Variants in JAM2 observed in about 807,000 individuals in gnomAD.
JAM2 encodes the protein junctional adhesion molecule B.
A neutral mutation model predicts 42.0 loss-of-function variants in JAM2; 17 were observed. The ratio of observed to expected loss-of-function variants is 0.40; its 90% confidence interval spans 0.28 to 0.61. The LOEUF (loss-of-function observed/expected upper bound fraction) is 0.61. Among genes scored for constraint, JAM2 ranks in the 20% least tolerant of loss-of-function variants. The probability of loss-of-function intolerance (pLI) is 0.37; values close to 1 mark genes in which losing one functional copy is unlikely to be tolerated. For missense variants in JAM2, 319 were observed against 358.3 expected, an observed-to-expected ratio of 0.89 and a Z score of 0.89; for synonymous variants, 118 against 128.6, an observed-to-expected ratio of 0.92 and a Z score of 0.56.
At chr21:25,659,273 A>G (rs554199259) in intron 1 of JAM2, among the ~76,000 whole-genome samples, 1 of 151,372 alleles carries the variant, frequency 6.6e-6, no homozygotes, top group African/African-American at 2.4e-5. Flanking sequence ...TTTTTGCTGT[A>G]AGTTCATATT....
chr21:25,696,406 GGGAGGA>G (rs374663920), intron 4 of JAM2, among the ~76,000 whole-genome samples: 1 of 152,106 alleles, frequency 6.6e-6, no homozygotes, highest in Non-Finnish European at 1.5e-5. Flanking sequence ...GGGAGGGAGA[GGGAGGA>G]GGAGGGGGAG....
intron 2 of JAM2, among the ~76,000 whole-genome samples, chr21:25,689,511 A>T (rs183699110): frequency 6.2e-4 from 94 of 152,300 alleles, no homozygotes; most frequent in Middle Eastern, 3.4e-3. Context: ...GAATAATAAG[A>T]CACATAGTTA....
intron 1 of JAM2, among the ~76,000 whole-genome samples, chr21:25,680,960 C>G (rs891846351): frequency 1.3e-5 from 2 of 152,012 alleles, no homozygotes; most frequent in African/African-American, 4.8e-5. Flanking sequence ...ATAGAGAGGT[C>G]AGGTAAGATA....
Position 25,693,906 on chromosome 21 carries a change from TA to T in JAM2, c.393del (p.Val132TrpfsTer15). ...GAGGATACAGTCACTCTGGAAGTAT[TA>T]GGTGATGTGCATGTATGTGTGTGAC... ...LEEDTVTLEV[L>X]VAPAVPSCEV... On this transcript the variant is annotated frameshift_variant and splice_region_variant, in exon 4 of 10. Coordinates refer to ENST00000480456, the MANE Select transcript of JAM2 (RefSeq NM_021219.4). LOFTEE classifies it high-confidence loss of function. 6.2e-7 allele frequency: 1 copy of T among 1,614,070 alleles called. No individual in the cohort carries two copies. The highest frequency in any genetic ancestry group is 8.5e-7 in the Non-Finnish European group (1 of 1,179,982).
chr21:25,705,178 C>A (rs1251053644), intron 6 of JAM2, among the ~76,000 whole-genome samples: 1 of 152,088 alleles, frequency 6.6e-6, no homozygotes, highest in Non-Finnish European at 1.5e-5. Flanking sequence ...TATCTACACC[C>A]ATATAATTCA....
intron 2 of JAM2, 54 bp downstream of exon 2, chr21:25,684,002 G>A (rs1012573336): frequency 1.9e-5 from 21 of 1,082,664 alleles, no homozygotes; most frequent in Non-Finnish European, 2.7e-5. Context: ...ACTCACGAGA[G>A]TGACTCGTGT....
chr21:25,656,435 G>A (rs2032941497), intron 1 of JAM2, among the ~76,000 whole-genome samples: 1 of 152,166 alleles, frequency 6.6e-6, no homozygotes, highest in South Asian at 2.1e-4. Context: ...CTTCCTGTGA[G>A]TTCTTCATAT....
intron 1 of JAM2, among the ~76,000 whole-genome samples, chr21:25,671,801 G>C (rs371584993): frequency 6.6e-6 from 1 of 152,160 alleles, no homozygotes; most frequent in Non-Finnish European, 1.5e-5. Flanking sequence ...GAGCCACTGC[G>C]CCCAGCAGAA....
At chr21:25,696,354 G>C (rs1020075919) in intron 4 of JAM2, among the ~76,000 whole-genome samples, 4 of 152,168 alleles carry the variant, frequency 2.6e-5, no homozygotes, top group African/African-American at 9.7e-5. Context: ...TCCAGCTTCC[G>C]CTCGGCATCA....
At chr21:25,650,018 G>A (rs968355821) in intron 1 of JAM2, among the ~76,000 whole-genome samples, 1 of 152,190 alleles carries the variant, frequency 6.6e-6, no homozygotes, top group Non-Finnish European at 1.5e-5. Flanking sequence ...CTAGTCCCAT[G>A]AGAACAAGAA....
chr21:25,656,262 A>G (rs2032936730), intron 1 of JAM2, among the ~76,000 whole-genome samples: 1 of 152,234 alleles, frequency 6.6e-6, no homozygotes, highest in African/African-American at 2.4e-5. Flanking sequence ...GGTTCCATCA[A>G]GGTCCTCTTG....
Position 25,717,428 on chromosome 21 carries a change from CT to C in JAM2, c.*2757del. 2.6e-6 allele frequency: 1 copy of C among 391,338 alleles called. No individual in the cohort carries two copies. Among genetic ancestry groups the C allele is most frequent in the South Asian group, 6.9e-5 (1 of 14,456 alleles). 24.2% of individuals were successfully genotyped at this position (391,338 alleles called of 1,614,324 possible). A position where few individuals can be genotyped will look rare whatever the true frequency, so the allele number is the denominator to read the frequency against. ...GTTTTAATTATTGTTGCTGTTGTAA[CT>C]AGATTTAATTTATTTTTAGTTGGAG... On this transcript the variant is annotated 3_prime_UTR_variant, in exon 10 of 10. Coordinates refer to ENST00000480456, the MANE Select transcript of JAM2 (RefSeq NM_021219.4).
chr21:25,701,173 T>G (rs903827770), intron 5 of JAM2, among the ~76,000 whole-genome samples: 5 of 152,248 alleles, frequency 3.3e-5, no homozygotes, highest in African/African-American at 9.6e-5. Context: ...GTCTAACATA[T>G]TATTTATATG....
At chr21:25,708,004 C>T (rs951499305) in intron 7 of JAM2, among the ~76,000 whole-genome samples, 1 of 151,844 alleles carries the variant, frequency 6.6e-6, no homozygotes, top group Non-Finnish European at 1.5e-5. Flanking sequence ...TACCACCACA[C>T]CTGGCTAATT....
chr21:25,646,281 T>C (rs1463465198), intron 1 of JAM2, among the ~76,000 whole-genome samples: 2 of 152,226 alleles, frequency 1.3e-5, no homozygotes, highest in Non-Finnish European at 2.9e-5. Context: ...AAATGGCTCT[T>C]TGGTTTTTAA....
intron 1 of JAM2, among the ~76,000 whole-genome samples, chr21:25,678,690 C>T (rs573829768): frequency 3.9e-5 from 6 of 152,280 alleles, no homozygotes; most frequent in South Asian, 4.1e-4. Flanking sequence ...ATAGACACCA[C>T]GTTTGCCAGT....
chr21:25,690,799 G>A (rs909321284), intron 3 of JAM2, among the ~76,000 whole-genome samples: 4 of 151,936 alleles, frequency 2.6e-5, no homozygotes, highest in African/African-American at 9.7e-5. Flanking sequence ...ACTTATGGGT[G>A]GGTTATGACA....
chr21:25,677,971 G>C (rs970633068), intron 1 of JAM2, among the ~76,000 whole-genome samples: 1 of 152,118 alleles, frequency 6.6e-6, no homozygotes, highest in African/African-American at 2.4e-5. Context: ...AATAGGAGTA[G>C]GCCAGGCGCG....
intron 8 of JAM2, chr21:25,710,059 G>C (rs987092367): frequency 1.3e-5 from 2 of 152,080 alleles, no homozygotes; most frequent in African/African-American, 4.8e-5. Flanking sequence ...GTAGTACAGA[G>C]AGAATGATGA....
Sources: allele counts gnomAD v4.1 joint callset (sites outside exome capture counted in the v4.1 genomes callset), GRCh38; gene constraint gnomAD v4.1.1; transcripts MANE v1.5; gene names NCBI Gene and HGNC (gene_info 2026-07-23, HGNC 2026-07-21).